The following WWOX variants were observed in gnomAD, a reference collection of about 807,000 sequenced individuals.
The protein encoded by WWOX is WW domain-containing oxidoreductase.
In WWOX, 69 loss-of-function variants were observed where a neutral mutation model predicts 46.2. That is an observed-to-expected ratio of 1.49 (90% CI 1.23 to 1.82). The LOEUF is 1.82. Ranked by LOEUF, WWOX falls within the 40% of genes most tolerant of loss-of-function variation. The pLI is 0.00. For synonymous variants in WWOX, 359 were observed against 202.6 expected, an observed-to-expected ratio of 1.77 and a Z score of -6.56; for missense variants, 919 against 542.6, an observed-to-expected ratio of 1.69 and a Z score of -6.89.
At chr16:78,612,121 T>C (rs2151631781) in intron 8 of WWOX, among the ~76,000 whole-genome samples, 1 of 152,356 alleles carries the variant, frequency 6.6e-6, no homozygotes, top group African/African-American at 2.4e-5. Context: ...AAACTTGTAT[T>C]ACCTACTCCT....
intron 8 of WWOX, among the ~76,000 whole-genome samples, chr16:79,128,074 C>T (rs2049796729): frequency 6.6e-6 from 1 of 151,882 alleles, no homozygotes; most frequent in African/African-American, 2.4e-5. Context: ...ATTTGGTTAC[C>T]CCCTTCTCCA....
intron 8 of WWOX, among the ~76,000 whole-genome samples, chr16:78,824,891 C>G (rs115973670): frequency 4.7e-4 from 71 of 152,188 alleles, no homozygotes; most frequent in Middle Eastern, 6.8e-3. Context: ...AGAGAGGAAG[C>G]GACACACCTT....
At chr16:79,095,777 C>A (rs138553582) in intron 8 of WWOX, among the ~76,000 whole-genome samples, 164 of 151,948 alleles carry the variant, frequency 1.1e-3, no homozygotes, top group Middle Eastern at 3.4e-3. Flanking sequence ...GAATACAGAC[C>A]TCAGAAAGCC....
intron 4 of WWOX, among the ~76,000 whole-genome samples, chr16:78,141,031 T>C (rs745650218): frequency 1.3e-5 from 2 of 152,226 alleles, no homozygotes; most frequent in Non-Finnish European, 2.9e-5. Flanking sequence ...TACTTTCTTA[T>C]GGAGCATGAT....
intron 8 of WWOX, among the ~76,000 whole-genome samples, chr16:79,173,519 A>G (rs1242753886): frequency 6.6e-6 from 1 of 152,092 alleles, no homozygotes; most frequent in Non-Finnish European, 1.5e-5. Context: ...CCTGAGAAGC[A>G]GTTTCCCTTG....
rs570103934 is a variant in WWOX, at chr16:78,843,497, C to A, written c.1057-368111C>A. On this transcript the variant is annotated intron_variant, in intron 8 of 8. Coordinates refer to ENST00000566780, the MANE Select transcript of WWOX (RefSeq NM_016373.4). ...CTAAGCTTTGGGCATTAGCACCCTC[C>A]ATATGCAACAAACCCACAAATGACA... Among the ~76,000 whole-genome samples the A allele has an allele frequency of 1.0e-4, 15 of 150,280 alleles. No individual in the cohort carries two copies. The South Asian group carries it at 3.0e-3, about 31-fold the overall frequency.
At chr16:78,776,872 G>A (rs140496202) in intron 8 of WWOX, among the ~76,000 whole-genome samples, 6 of 152,168 alleles carry the variant, frequency 3.9e-5, no homozygotes, top group African/African-American at 1.2e-4. Flanking sequence ...AATAGAATGG[G>A]GGAACCACCC....
intron 8 of WWOX, among the ~76,000 whole-genome samples, chr16:78,939,807 C>G (rs1032023052): frequency 6.6e-6 from 1 of 152,204 alleles, no homozygotes; most frequent in East Asian, 1.9e-4. Context: ...TAGCCTGCCT[C>G]CCTTCCGTCA....
At chr16:79,028,106 A>T (rs576461396) in intron 8 of WWOX, among the ~76,000 whole-genome samples, 10 of 151,774 alleles carry the variant, frequency 6.6e-5, no homozygotes, top group African/African-American at 2.4e-4. Flanking sequence ...ACCTGCCACG[A>T]CGCCTGGCTA....
At chr16:78,259,411 C>G (rs947958495) in intron 5 of WWOX, among the ~76,000 whole-genome samples, 1 of 152,188 alleles carries the variant, frequency 6.6e-6, no homozygotes, top group Non-Finnish European at 1.5e-5. Context: ...ACTGCAACCT[C>G]TGCCTCCCGG....
chr16:78,796,438 G>C (rs548482246), intron 8 of WWOX, among the ~76,000 whole-genome samples: 1 of 152,340 alleles, frequency 6.6e-6, no homozygotes, highest in East Asian at 1.9e-4. Flanking sequence ...CCATTGGCCA[G>C]AATTCAGTCA....
chr16:79,163,113 G>T (rs1289796020), intron 8 of WWOX, among the ~76,000 whole-genome samples: 1 of 152,176 alleles, frequency 6.6e-6, no homozygotes, highest in Non-Finnish European at 1.5e-5. Context: ...ACATTTGTGT[G>T]CAGGAGATGG....
chr16:78,514,284 G>A (rs966226657), intron 8 of WWOX, among the ~76,000 whole-genome samples: 7 of 152,158 alleles, frequency 4.6e-5, no homozygotes, highest in African/African-American at 1.7e-4. Flanking sequence ...AGATAATTAT[G>A]TATAATAAGC....
At position 78,617,851 on chromosome 16, in the gene WWOX, T is replaced by C. The variant is rs74503046; in HGVS notation, c.1056+185099T>C. Among the ~76,000 whole-genome samples the C allele has an allele frequency of 2.0e-4, 30 of 152,352 alleles. 1 individual carries two copies. The East Asian group carries it at 5.4e-3, about 27-fold the overall frequency. On this transcript the variant is annotated intron_variant, in intron 8 of 8. Transcript: ENST00000566780. ...GATGGAATGAAGGTGTCTTGCTATA[T>C]TTTGACATTTCTGTCAAAATATGAA...
chr16:78,151,175 C>A (rs530887175), intron 4 of WWOX, among the ~76,000 whole-genome samples: 2 of 152,074 alleles, frequency 1.3e-5, no homozygotes, highest in African/African-American at 4.8e-5. Context: ...CCATGCCTGG[C>A]CAATTTCAAG....
At chr16:78,684,648 A>C (rs1341837649) in intron 8 of WWOX, among the ~76,000 whole-genome samples, 1 of 151,752 alleles carries the variant, frequency 6.6e-6, no homozygotes, top group Non-Finnish European at 1.5e-5. Flanking sequence ...CTGAGAAAGG[A>C]CTCTGCCCTC....
chr16:78,573,062 C>T (rs550962507), intron 8 of WWOX, among the ~76,000 whole-genome samples: 2 of 152,200 alleles, frequency 1.3e-5, no homozygotes, highest in South Asian at 4.1e-4. Flanking sequence ...CCAAGGCAGG[C>T]GGATCACGAG....
intron 4 of WWOX, among the ~76,000 whole-genome samples, chr16:78,145,573 T>C (rs1048712631): frequency 3.9e-5 from 6 of 152,130 alleles, no homozygotes; most frequent in South Asian, 2.1e-4. Context: ...CCAACCCAAA[T>C]TGAGGGTGGG....
chr16:78,778,922 G>GTCGCCCCTTGT (rs1321005011), intron 8 of WWOX, among the ~76,000 whole-genome samples: 2 of 152,126 alleles, frequency 1.3e-5, no homozygotes, highest in East Asian at 3.9e-4. Context: ...GGGATAGGAT[G>GTCGCCCCTTGT]TCGCCCCTTG....
Sources: allele counts gnomAD v4.1 joint callset (sites outside exome capture counted in the v4.1 genomes callset), GRCh38; gene constraint gnomAD v4.1.1; transcripts MANE v1.5; gene names NCBI Gene and HGNC (gene_info 2026-07-23, HGNC 2026-07-21).